Variants in IRGM observed in about 807,000 individuals in gnomAD.
IRGM encodes immunity related GTPase M, also known as immunity-related GTPase family M protein.
For synonymous variants in IRGM, 98 were observed against 80.6 expected, an observed-to-expected ratio of 1.22 and a Z score of -1.16; for missense variants, 288 against 219.9, an observed-to-expected ratio of 1.31 and a Z score of -1.96.
chr5:150,861,540 GC>G (rs1213962065), intron 1 of IRGM, among the ~76,000 whole-genome samples: 1 of 152,162 alleles, frequency 6.6e-6, no homozygotes, highest in Non-Finnish European at 1.5e-5. Context: ...ATTACCACCA[GC>G]TTTCACTTTT....
chr5:150,866,444 C>T (rs1754210140), intron 1 of IRGM, among the ~76,000 whole-genome samples: 1 of 152,284 alleles, frequency 6.6e-6, no homozygotes, highest in South Asian at 2.1e-4. Context: ...GGAAAGTTCA[C>T]CCACTGCTTG....
At chr5:150,899,148 C>A (rs912145908) in intron 3 of IRGM, among the ~76,000 whole-genome samples, 10 of 152,008 alleles carry the variant, frequency 6.6e-5, no homozygotes, top group African/African-American at 2.4e-4. Flanking sequence ...CCCTCACAGT[C>A]CTGAAGAACA....
At chr5:150,849,854 CT>C (rs1306746462), downstream of IRGM, among the ~76,000 whole-genome samples, 1 of 152,086 alleles carries the variant, frequency 6.6e-6, no homozygotes, top group East Asian at 1.9e-4. Flanking sequence ...ATCCGCCTGC[CT>C]TGGCCTTCCA....
intron 3 of IRGM, among the ~76,000 whole-genome samples, chr5:150,892,222 A>G (rs1435567748): frequency 6.9e-6 from 1 of 145,522 alleles, no homozygotes; most frequent in African/African-American, 2.6e-5. Context: ...TTTTTTTTTC[A>G]ATATTGAAGT....
intron 1 of IRGM, among the ~76,000 whole-genome samples, chr5:150,875,550 C>G (rs542246859): frequency 6.6e-6 from 1 of 152,198 alleles, no homozygotes; most frequent in Non-Finnish European, 1.5e-5. Context: ...CAACGGGCCA[C>G]CTCAGCAGAG....
At chr5:150,858,793 C>CTGAA (rs1754094638) in intron 1 of IRGM, among the ~76,000 whole-genome samples, 1 of 152,202 alleles carries the variant, frequency 6.6e-6, no homozygotes, top group African/African-American at 2.4e-5. Context: ...TGAGACTTTG[C>CTGAA]TGAAGTTGCT....
intron 3 of IRGM, chr5:150,896,964 C>T (rs751494158): frequency 6.2e-7 from 1 of 1,605,736 alleles, no homozygotes; most frequent in Non-Finnish European, 8.5e-7. Flanking sequence ...GTGAAGGTTA[C>T]TCTTCCTGTC....
chr5:150,864,554 T>G (rs1754179334), intron 1 of IRGM, among the ~76,000 whole-genome samples: 1 of 152,204 alleles, frequency 6.6e-6, no homozygotes, highest in Non-Finnish European at 1.5e-5. Flanking sequence ...GCAGGTCCTG[T>G]GCTTTCTTCC....
chr5:150,876,284 C>G (rs1033015615), intron 1 of IRGM, among the ~76,000 whole-genome samples: 2 of 152,166 alleles, frequency 1.3e-5, no homozygotes, highest in African/African-American at 2.4e-5. Flanking sequence ...GTCCAGAAAT[C>G]AAGGGGTGGA....
chr5:150,848,437 T>C lies in IRGM; in HGVS notation c.314T>C (p.Leu105Pro), dbSNP rs747196011. The C allele has an allele frequency of 1.3e-6, 2 of 1,551,822 alleles. No individual in the cohort carries two copies. Among genetic ancestry groups the C allele is most frequent in the South Asian group, 1.2e-5 (1 of 84,058 alleles). The change falls in exon 2 of 2, where the codon CTG becomes CCG. Residue 105 changes from leucine to proline, a missense_variant. By Grantham distance (98) the Leu-to-Pro change is moderately conservative. Transcript: ENST00000522154. ...GSATTTLENY[L>P]MEMQFNRYDF... is the part of the protein sequence containing the mutation. ...GCCACCACAACCCTGGAGAACTACC[T>C]GATGGAAATGCAGTTCAACCGGTAT...
chr5:150,853,442 T>C (rs6869426), downstream of IRGM, among the ~76,000 whole-genome samples: 48,769 of 152,004 alleles, frequency 0.32, 10,059 homozygotes, highest in Non-Finnish European at 0.47. Flanking sequence ...ATGTGTCCAA[T>C]TGGTCTGCAG....
intron 3 of IRGM, among the ~76,000 whole-genome samples, chr5:150,882,849 C>A (rs958968995): frequency 6.6e-6 from 1 of 152,174 alleles, no homozygotes; most frequent in Admixed American, 6.6e-5. Flanking sequence ...CAGACTTAAA[C>A]TACACTTTAG....
downstream of IRGM, among the ~76,000 whole-genome samples, chr5:150,901,492 A>C (rs994576648): frequency 2.0e-5 from 3 of 152,070 alleles, no homozygotes; most frequent in Non-Finnish European, 2.9e-5. Context: ...ATTAGACAGC[A>C]CGGCTCTAAA....
At chr5:150,887,173 A>G (rs1754538505) in intron 3 of IRGM, among the ~76,000 whole-genome samples, 1 of 152,066 alleles carries the variant, frequency 6.6e-6, no homozygotes, top group East Asian at 1.9e-4. Flanking sequence ...AACAAAACCC[A>G]ATCCAAGACA....
intron 1 of IRGM, among the ~76,000 whole-genome samples, chr5:150,875,342 G>T (rs1257890538): frequency 6.6e-6 from 1 of 152,192 alleles, no homozygotes; most frequent in East Asian, 1.9e-4. Context: ...AGTGCACCTG[G>T]CTGTGCACTT....
chr5:150,899,578 C>T (rs1458389572), intron 3 of IRGM, among the ~76,000 whole-genome samples: 3 of 151,634 alleles, frequency 2.0e-5, no homozygotes, highest in African/African-American at 7.3e-5. Flanking sequence ...ATGAATATAC[C>T]AATTACAGTA....
chr5:150,874,597 T>A (rs1301586188), intron 1 of IRGM, among the ~76,000 whole-genome samples: 5 of 152,204 alleles, frequency 3.3e-5, no homozygotes, highest in Non-Finnish European at 2.9e-5. Flanking sequence ...ATTTATTGAA[T>A]GACCCAAAAG....
chr5:150,898,019 G>T, intron 3 of IRGM: 1 of 1,590,644 alleles, frequency 6.3e-7, no homozygotes, highest in South Asian at 1.2e-5. Context: ...ATAAACCTCA[G>T]GCACCAATCA....
intron 1 of IRGM, among the ~76,000 whole-genome samples, chr5:150,871,292 T>G (rs1291883380): frequency 2.6e-5 from 4 of 152,198 alleles, no homozygotes; most frequent in African/African-American, 9.7e-5. Flanking sequence ...TTAAAAAGAT[T>G]TTGTTTTAAG....
Sources: gnomAD v4.1 joint callset for allele counts (sites outside exome capture counted in the v4.1 genomes callset) on GRCh38, gnomAD v4.1.1 for gene constraint, MANE v1.5 for transcripts, NCBI Gene and HGNC (gene_info 2026-07-23, HGNC 2026-07-21) for gene names.